The following PRKG1 variants were observed in gnomAD, a reference collection of about 807,000 sequenced individuals.
The protein encoded by PRKG1 is protein kinase cGMP-dependent 1.
In PRKG1, 35 loss-of-function variants were observed where a neutral mutation model predicts 88.1. The observed-to-expected ratio is 0.40, with a 90% CI of 0.30 to 0.53. The LOEUF (loss-of-function observed/expected upper bound fraction) is 0.53, where lower values mean the gene tolerates loss of function less well. PRKG1 is among the 20% of genes least tolerant of loss of function. PRKG1 has a pLI of 0.59. For missense variants in PRKG1, 540 were observed against 839.8 expected, an observed-to-expected ratio of 0.64 and a Z score of 4.41; for synonymous variants, 303 against 292.5, an observed-to-expected ratio of 1.04 and a Z score of -0.37.
chr10:51,757,849 T>G (rs1315855803), intron 3 of PRKG1, among the ~76,000 whole-genome samples: 3 of 152,230 alleles, frequency 2.0e-5, no homozygotes, highest in African/African-American at 7.2e-5. Context: ...ATTAAACCTT[T>G]GGCTTATATT....
rs80203459 is a variant in PRKG1 at position 52,007,520 on chromosome 10, A to G, written c.763-46964A>G. ...AGACTTTAAACCAACAAAGACCAAA[A>G]AGACAGTGAACAGCATTATATAATG... On this transcript the variant is annotated intron_variant, in intron 5 of 17. Coordinates refer to ENST00000373980, the MANE Select transcript of PRKG1 (RefSeq NM_006258.4). 5.0e-3 allele frequency among the ~76,000 whole-genome samples: 761 copies of G among 152,300 alleles called. 4 individuals are homozygous for G. The highest frequency in any genetic ancestry group is 0.017 in the African/African-American group (702 of 41,584).
chr10:51,216,625 T>C (rs1362485557), intron 2 of PRKG1, among the ~76,000 whole-genome samples: 2 of 152,210 alleles, frequency 1.3e-5, no homozygotes, highest in Non-Finnish European at 2.9e-5. Context: ...TTATAATAAA[T>C]GCTGTCATCA....
At chr10:51,512,178 T>G in intron 3 of PRKG1, among the ~76,000 whole-genome samples, 1 of 149,912 alleles carries the variant, frequency 6.7e-6, no homozygotes, top group South Asian at 2.1e-4. Context: ...CTAATTAATT[T>G]TTTTTTTTTT....
At chr10:52,090,952 A>G (rs946030689) in intron 7 of PRKG1, among the ~76,000 whole-genome samples, 1 of 152,198 alleles carries the variant, frequency 6.6e-6, no homozygotes, top group Non-Finnish European at 1.5e-5. Flanking sequence ...ACTCTTATTG[A>G]CATACCTGTG....
chr10:52,201,337 T>A (rs1322079482), intron 9 of PRKG1, among the ~76,000 whole-genome samples: 1 of 152,082 alleles, frequency 6.6e-6, no homozygotes, highest in Non-Finnish European at 1.5e-5. Context: ...TTGTTTACAT[T>A]CACGTTGTCG....
At chr10:52,101,429 C>T (rs537076813) in intron 7 of PRKG1, among the ~76,000 whole-genome samples, 1 of 152,168 alleles carries the variant, frequency 6.6e-6, no homozygotes, top group Non-Finnish European at 1.5e-5. Context: ...ATTAGAATGA[C>T]ATTTCCCTAC....
At chr10:51,531,960 A>C (rs1362339021) in intron 3 of PRKG1, among the ~76,000 whole-genome samples, 1 of 152,082 alleles carries the variant, frequency 6.6e-6, no homozygotes, top group Non-Finnish European at 1.5e-5. Flanking sequence ...TTTTTTAAAA[A>C]AATGACAGTC....
At chr10:52,145,925 C>A (rs535041981) in intron 8 of PRKG1, among the ~76,000 whole-genome samples, 1 of 152,282 alleles carries the variant, frequency 6.6e-6, no homozygotes, top group African/African-American at 2.4e-5. Flanking sequence ...GAATTTACTT[C>A]TTTGCATAAA....
In PRKG1 at chr10:51,562,128, G is replaced by A. The variant is rs982383337; in HGVS notation, c.592+94292G>A. 3.3e-5 allele frequency among the ~76,000 whole-genome samples: 5 copies of A among 151,970 alleles called. No homozygotes were observed. In the South Asian group the frequency reaches 6.2e-4, roughly 19 times the overall value. ...AATCCCAGCTACTCAGGAGGCTGAG[G>A]CAGGAGAATCGCTTGAGCCCAGGAG... is the stretch of plus-strand genomic sequence containing the variant. On this transcript the variant is annotated intron_variant, in intron 3 of 17. Transcript: ENST00000373980.
intron 3 of PRKG1, among the ~76,000 whole-genome samples, chr10:51,539,868 G>A (rs1009671883): frequency 4.6e-5 from 7 of 152,014 alleles, no homozygotes; most frequent in Non-Finnish European, 1.0e-4. Flanking sequence ...CACAATTTTA[G>A]CAAAAATCAA....
intron 3 of PRKG1, among the ~76,000 whole-genome samples, chr10:51,560,721 T>C (rs984955445): frequency 5.0e-4 from 76 of 152,136 alleles, no homozygotes; most frequent in African/African-American, 1.6e-3. Flanking sequence ...TGATTGTTTC[T>C]CAGGTTTAAA....
chr10:51,947,348 T>A (rs900592215), intron 5 of PRKG1, among the ~76,000 whole-genome samples: 2 of 152,096 alleles, frequency 1.3e-5, no homozygotes, highest in African/African-American at 4.8e-5. Context: ...GTGACCCGAT[T>A]TTCCAGGTGC....
chr10:51,477,626 C>T (rs936568062), intron 3 of PRKG1, among the ~76,000 whole-genome samples: 1 of 151,866 alleles, frequency 6.6e-6, no homozygotes, highest in African/African-American at 2.4e-5. Flanking sequence ...GTGCTTAGTG[C>T]GGCAACGAAC....
chr10:52,223,245 C>T (rs999070263), intron 9 of PRKG1, among the ~76,000 whole-genome samples: 1 of 152,140 alleles, frequency 6.6e-6, no homozygotes, highest in Non-Finnish European at 1.5e-5. Context: ...CTCCCATCCT[C>T]TCCCGGAGCT....
intron 9 of PRKG1, among the ~76,000 whole-genome samples, chr10:52,188,214 GTATATATATACATA>G (rs1839250774): frequency 6.0e-5 from 3 of 49,596 alleles, no homozygotes; most frequent in Admixed American, 3.6e-4. Flanking sequence ...ATATATATGT[GTATATATATACATA>G]TGTATATATA....
chr10:51,850,499 A>ATATGTATATG (rs1554848486), intron 4 of PRKG1, among the ~76,000 whole-genome samples: 1 of 151,278 alleles, frequency 6.6e-6, no homozygotes, highest in Non-Finnish European at 1.5e-5. Flanking sequence ...TTATATATAT[A>ATATGTATATG]TATATGTATA....
chr10:51,063,704 C>T (rs970374699), intron 1 of PRKG1, among the ~76,000 whole-genome samples: 1 of 152,014 alleles, frequency 6.6e-6, no homozygotes, highest in East Asian at 1.9e-4. Flanking sequence ...GCATCACTAT[C>T]GAAATTTTAT....
chr10:51,089,841 C>A (rs1564595969), intron 1 of PRKG1, among the ~76,000 whole-genome samples: 1 of 152,172 alleles, frequency 6.6e-6, no homozygotes, highest in Non-Finnish European at 1.5e-5. Context: ...TCCAATAGTT[C>A]TTAAATGATA....
chr10:52,126,572 T>C (rs984923785), intron 7 of PRKG1, among the ~76,000 whole-genome samples: 1 of 152,126 alleles, frequency 6.6e-6, no homozygotes, highest in African/African-American at 2.4e-5. Flanking sequence ...TCTCAGACTC[T>C]TGGGCTCAAG....
Sources: allele counts gnomAD v4.1 joint callset (sites outside exome capture counted in the v4.1 genomes callset), GRCh38; gene constraint gnomAD v4.1.1; transcripts MANE v1.5; gene names NCBI Gene and HGNC (gene_info 2026-07-23, HGNC 2026-07-21).